The following CBLB variants were observed in gnomAD, a reference collection of about 807,000 sequenced individuals.
CBLB encodes the protein Cbl proto-oncogene B.
A neutral mutation model predicts 104.9 loss-of-function variants in CBLB; 31 were observed. The observed-to-expected ratio is 0.30, with a 90% confidence interval of 0.22 to 0.40. The LOEUF (loss-of-function observed/expected upper bound fraction) is 0.40. Ranked by LOEUF, CBLB falls within the 10% of genes least tolerant of loss-of-function variation. CBLB has a pLI of 1.00. For missense variants in CBLB, 1,062 were observed against 1,214.6 expected (o/e 0.87, Z 1.87); for synonymous variants, 440 against 422.6 (o/e 1.04, Z -0.51).
At chr3:105,849,330 G>C (rs914365070) in intron 3 of CBLB, among the ~76,000 whole-genome samples, 2 of 151,996 alleles carry the variant, frequency 1.3e-5, no homozygotes. Context: ...ACAGAACAAG[G>C]ATAACAGTAA....
intron 3 of CBLB, among the ~76,000 whole-genome samples, chr3:105,780,870 G>A (rs2080178005): frequency 6.6e-6 from 1 of 151,950 alleles, no homozygotes; most frequent in Admixed American, 6.6e-5. Context: ...CACCGTGTTA[G>A]CCAGGATGGT....
At chr3:105,704,206 T>G (rs2069706735) in intron 10 of CBLB, 33 bp from the exon 11 acceptor site, 2 of 1,593,614 alleles carry the variant, frequency 1.3e-6, no homozygotes, top group East Asian at 2.2e-5. Context: ...TGCCGCTGTT[T>G]ATTAGCTGTG....
At chr3:105,687,729 A>G (rs2067185665) in intron 13 of CBLB, among the ~76,000 whole-genome samples, 1 of 151,946 alleles carries the variant, frequency 6.6e-6, no homozygotes, top group South Asian at 2.1e-4. Flanking sequence ...GTCTATTTGG[A>G]TTAGAAATAA....
In CBLB at chr3:105,865,940, A is replaced by T. The variant is rs566884639; in HGVS notation, c.168+1470T>A. Among the ~76,000 whole-genome samples, 7 of 152,346 alleles carry T rather than the reference A, an allele frequency of 4.6e-5. No homozygotes were observed. In the South Asian group the frequency reaches 6.2e-4, roughly 14 times the overall value. On this transcript the variant is annotated intron_variant, in intron 2 of 18. Transcript: ENST00000394030. Reference sequence around the variant, plus strand: ...GCACACTCTTTAGCAAAGACAAGATAGGCAGCATTGTGCTTGACAAATATA... The same window carrying T: ...GCACACTCTTTAGCAAAGACAAGATTGGCAGCATTGTGCTTGACAAATATA...
At chr3:105,764,396 T>C (rs9821602) in intron 4 of CBLB, among the ~76,000 whole-genome samples, 151,842 of 152,308 alleles carry the variant, frequency 1, 75,691 homozygotes, top group East Asian at 1. Context: ...ACAATTCATA[T>C]CTATTGTTGC....
chr3:105,670,526 T>C (rs1437582065), intron 17 of CBLB, 174 bp from the exon 18 acceptor site: 3 of 596,298 alleles, frequency 5.0e-6, no homozygotes, highest in East Asian at 2.9e-5. Context: ...AATTTATTCA[T>C]CACTTGCTTA....
chr3:105,862,029 T>A (rs1390655981), intron 2 of CBLB, among the ~76,000 whole-genome samples: 1 of 152,170 alleles, frequency 6.6e-6, no homozygotes, highest in East Asian at 1.9e-4. Context: ...ATGGTTTAAT[T>A]CTACCTTTCT....
At chr3:105,679,879 G>T (rs2066104829) in intron 16 of CBLB, among the ~76,000 whole-genome samples, 2 of 152,158 alleles carry the variant, frequency 1.3e-5, no homozygotes, top group South Asian at 4.2e-4. Flanking sequence ...AGATGCACAA[G>T]ACAGAGTTTT....
intron 12 of CBLB, 69 bp from the exon 13 acceptor site, chr3:105,693,657 C>A (rs768377118): frequency 6.1e-6 from 6 of 982,726 alleles, no homozygotes; most frequent in Non-Finnish European, 9.7e-6. Context: ...CATAGCTGCT[C>A]TACCATTCTG....
intron 10 of CBLB, among the ~76,000 whole-genome samples, chr3:105,714,787 T>C: frequency 6.6e-6 from 1 of 152,202 alleles, no homozygotes; most frequent in East Asian, 1.9e-4. Flanking sequence ...TATTAGGAAA[T>C]GCAATACTTA....
intron 17 of CBLB, chr3:105,671,072 T>C (rs1315631445): frequency 5.4e-6 from 1 of 183,764 alleles, no homozygotes; most frequent in Non-Finnish European, 1.2e-5. Flanking sequence ...ATATGATATT[T>C]ACTAACTGGA....
At chr3:105,690,447 A>G (rs1046926781) in intron 13 of CBLB, among the ~76,000 whole-genome samples, 2 of 152,156 alleles carry the variant, frequency 1.3e-5, no homozygotes, top group Non-Finnish European at 2.9e-5. Context: ...GCTGAATCTC[A>G]AAAGGATTTT....
chr3:105,832,181 A>G (rs2087641414), intron 3 of CBLB, among the ~76,000 whole-genome samples: 1 of 152,204 alleles, frequency 6.6e-6, no homozygotes, highest in Non-Finnish European at 1.5e-5. Flanking sequence ...TCCCATATAC[A>G]ATATACGACC....
chr3:105,805,605 C>T (rs534039457), intron 3 of CBLB, among the ~76,000 whole-genome samples: 5 of 152,042 alleles, frequency 3.3e-5, no homozygotes, highest in African/African-American at 9.7e-5. Flanking sequence ...CCCACCCAGC[C>T]GATGACTCAA....
At chr3:105,712,179 T>G (rs946969276) in intron 10 of CBLB, among the ~76,000 whole-genome samples, 3 of 152,176 alleles carry the variant, frequency 2.0e-5, no homozygotes, top group African/African-American at 7.2e-5. Flanking sequence ...ACCTTGAAAT[T>G]TCTTTAAAGT....
chr3:105,816,288 T>C (rs1274740528), intron 3 of CBLB, among the ~76,000 whole-genome samples: 1 of 152,176 alleles, frequency 6.6e-6, no homozygotes, highest in African/African-American at 2.4e-5. Context: ...AATTAGTAAA[T>C]TGACTGCCCT....
intron 3 of CBLB, among the ~76,000 whole-genome samples, chr3:105,834,097 C>T (rs988913240): frequency 1.3e-5 from 2 of 149,836 alleles, no homozygotes; most frequent in African/African-American, 2.5e-5. Flanking sequence ...TGGGGGTGGG[C>T]AGTTGAGGCA....
At chr3:105,788,091 A>G (rs925318465) in intron 3 of CBLB, among the ~76,000 whole-genome samples, 8 of 152,180 alleles carry the variant, frequency 5.3e-5, no homozygotes. Flanking sequence ...ACGCAGGATA[A>G]CATCAGATGT....
chr3:105,744,312 G>A (rs188339925), intron 6 of CBLB, among the ~76,000 whole-genome samples: 20 of 152,112 alleles, frequency 1.3e-4, no homozygotes, highest in African/African-American at 4.6e-4. Context: ...CACATCATAC[G>A]CCAAGAGCAA....
Sources: allele counts gnomAD v4.1 joint callset (sites outside exome capture counted in the v4.1 genomes callset), GRCh38; gene constraint gnomAD v4.1.1; transcripts MANE v1.5; gene names NCBI Gene and HGNC (gene_info 2026-07-23, HGNC 2026-07-21).